NLRP13: variants seen among roughly 807,000 people sequenced by gnomAD.
The protein encoded by NLRP13 is NLR family pyrin domain containing 13, also known as NACHT, LRR and PYD domains-containing protein 13.
NLRP13 carries 82 observed loss-of-function variants against 94.4 expected under a neutral mutation model. The observed-to-expected ratio is 0.87, with a 90% CI of 0.73 to 1.04. The LOEUF (loss-of-function observed/expected upper bound fraction) is 1.04, where lower values mean the gene tolerates loss of function less well. Ranked by LOEUF, NLRP13 falls within the 50% of genes least tolerant of loss-of-function variation. The pLI is 0.00. For missense variants in NLRP13, 1,426 were observed against 1,230.8 expected, an observed-to-expected ratio of 1.16 and a Z score of -2.37; for synonymous variants, 553 against 464.7, an observed-to-expected ratio of 1.19 and a Z score of -2.45.
chr19:55,928,040 G>A (rs1030240524), intron 1 of NLRP13, among the ~76,000 whole-genome samples: 2 of 152,186 alleles, frequency 1.3e-5, no homozygotes, highest in African/African-American at 4.8e-5. Flanking sequence ...AGGGCACTAA[G>A]AACCACCTGA....
chr19:55,911,713 T>C lies in NLRP13; in HGVS notation c.2104A>G (p.Ile702Val). The C allele has an allele frequency of 6.3e-7, 1 of 1,595,082 alleles. No homozygotes were observed. Among genetic ancestry groups the C allele is most frequent in the Non-Finnish European group, 8.5e-7 (1 of 1,171,154 alleles). Residue 702 changes from isoleucine (I) to valine (V), a missense_variant, in exon 5 of 11, where the codon ATT (isoleucine) becomes GTT (valine). Transcript: ENST00000342929. ...ATGGTTTGTAATACTCACTCCAGAA[T>C]TTCCAAGTCCCTTTCAAGGATGTGA... Reference protein sequence around the residue: ...SSHILERDLEILETSKFDSRM... With the variant: ...SSHILERDLEVLETSKFDSRM...
At chr19:55,908,050 A>C in intron 6 of NLRP13, 94 bp from the exon 7 acceptor site, 5 of 1,116,508 alleles carry the variant, frequency 4.5e-6, no homozygotes, top group Non-Finnish European at 6.5e-6. Flanking sequence ...TACTACACTC[A>C]CTGCCAAGGT....
At chr19:55,930,884 A>ATATATATATATATATATGTG (rs1568448826) in intron 1 of NLRP13, among the ~76,000 whole-genome samples, 1 of 117,246 alleles carries the variant, frequency 8.5e-6, no homozygotes, top group African/African-American at 3.6e-5. Flanking sequence ...TTATATATAT[A>ATATATATATATATATATGTG]TATATATATA....
At chr19:55,931,892 G>T (rs1987155572) in intron 1 of NLRP13, 101 bp downstream of exon 1, 1 of 912,112 alleles carries the variant, frequency 1.1e-6, no homozygotes, top group Non-Finnish European at 1.7e-6. Flanking sequence ...TTTGTAGGGG[G>T]AGATCGGCAG....
intron 1 of NLRP13, among the ~76,000 whole-genome samples, chr19:55,930,900 A>ATTT (rs56336813): frequency 3.6e-4 from 38 of 105,152 alleles, no homozygotes; most frequent in Middle Eastern, 4.9e-3. Context: ...ATATATATAA[A>ATTT]ATTTTAACCA....
chr19:55,897,134 TG>T (rs1395756333), intron 10 of NLRP13, among the ~76,000 whole-genome samples: 1 of 152,196 alleles, frequency 6.6e-6, no homozygotes, highest in East Asian at 1.9e-4. Context: ...AACATAGGGT[TG>T]GCTAGCTACT....
chr19:55,930,095 C>T (rs1451591241), intron 1 of NLRP13, among the ~76,000 whole-genome samples: 1 of 152,090 alleles, frequency 6.6e-6, no homozygotes, highest in Non-Finnish European at 1.5e-5. Context: ...TGTATGACTC[C>T]GCATGCCCCG....
chr19:55,910,598 T>A lies in NLRP13; in HGVS notation c.2247A>T (p.Ala749=). ...GGACTTTGCATCTTGGATTTTTCAG[T>A]GCAAGACAGAGACCCTTCACAGAGG... is the stretch of plus-strand genomic sequence containing the variant. ...HASSVKGLCL[A]LKNPRCKVQK... The change falls in exon 6 of 11, where the codon GCA becomes GCT. Residue 749 remains alanine, a synonymous_variant. Transcript: ENST00000342929. 6 of 1,612,018 alleles carry A rather than the reference T, an allele frequency of 3.7e-6. No homozygotes were observed. The highest frequency in any genetic ancestry group is 5.1e-6 in the Non-Finnish European group (6 of 1,178,476).
chr19:55,922,588 A>G (rs1355428816), intron 4 of NLRP13, among the ~76,000 whole-genome samples: 1 of 152,174 alleles, frequency 6.6e-6, no homozygotes, highest in African/African-American at 2.4e-5. Flanking sequence ...AACCTCCCCA[A>G]GTGCTGGGAT....
chr19:55,926,091 T>C (rs904944472), intron 1 of NLRP13, among the ~76,000 whole-genome samples: 3 of 152,182 alleles, frequency 2.0e-5, no homozygotes, highest in Non-Finnish European at 1.5e-5. Context: ...TTTTCCCCTC[T>C]TCACTGGCTC....
intron 4 of NLRP13, among the ~76,000 whole-genome samples, chr19:55,917,222 T>C (rs915244470): frequency 6.6e-6 from 1 of 152,062 alleles, no homozygotes; most frequent in Non-Finnish European, 1.5e-5. Flanking sequence ...GAAGGAGTTC[T>C]AAACATGGAA....
chr19:55,905,261 G>T (rs1332714578), intron 7 of NLRP13, 149 bp from the exon 8 acceptor site: 5 of 919,516 alleles, frequency 5.4e-6, no homozygotes, highest in Non-Finnish European at 7.9e-6. Context: ...GAGAAAAAGG[G>T]CCAGGCGCAG....
intron 1 of NLRP13, among the ~76,000 whole-genome samples, chr19:55,929,396 T>C (rs11670448): frequency 0.19 from 28,534 of 152,086 alleles, 2,938 homozygotes; most frequent in African/African-American, 0.27. Flanking sequence ...CAATGATAGA[T>C]TGGATGAAGA....
At chr19:55,893,066 A>G (rs548423573), downstream of NLRP13, among the ~76,000 whole-genome samples, 5 of 152,326 alleles carry the variant, frequency 3.3e-5, no homozygotes, top group East Asian at 1.9e-4. Context: ...ATAAAGGTTT[A>G]GACAAAAGTA....
intron 3 of NLRP13, 100 bp from the exon 4 acceptor site, chr19:55,924,079 C>G (rs1237974080): frequency 1.1e-6 from 1 of 887,694 alleles, no homozygotes; most frequent in African/African-American, 1.7e-5. Context: ...CTATGGCAAA[C>G]TTGAGAGTGA....
intron 1 of NLRP13, among the ~76,000 whole-genome samples, chr19:55,929,375 G>A (rs779005289): frequency 4.6e-5 from 7 of 152,084 alleles, no homozygotes; most frequent in African/African-American, 7.2e-5. Flanking sequence ...GGAACCAACC[G>A]AAATGCCCAT....
intron 7 of NLRP13, 59 bp downstream of exon 7, chr19:55,907,733 T>C (rs1262290366): frequency 4.0e-5 from 62 of 1,537,946 alleles, no homozygotes; most frequent in Non-Finnish European, 4.1e-5. Context: ...CAGTGGATCG[T>C]GGAAGCTACT....
rs1217244637 is a variant in NLRP13, at chr19:55,912,540, A to G, written c.1277T>C (p.Met426Thr). Residue 426 changes from methionine to threonine, a missense_variant, in exon 5 of 11, where the codon ATG becomes ACG. Physicochemically the swap from Met to Thr is moderately conservative, Grantham distance 81. Coordinates refer to ENST00000342929, the MANE Select transcript of NLRP13 (RefSeq NM_176810.2). ...ETLFHSCSAP[M>T]VCWTVCSCLK... ...ACAGGAACATACGGTCCAACACACC[A>G]TGGGGGCACTGCAGGAATGAAAGAG... 1.2e-6 allele frequency: 2 copies of G among 1,614,028 alleles called. No individual in the cohort carries two copies. Among genetic ancestry groups the G allele is most frequent in the Non-Finnish European group, 1.7e-6 (2 of 1,180,026 alleles).
chr19:55,917,842 A>T (rs1335702992), intron 4 of NLRP13, among the ~76,000 whole-genome samples: 1 of 152,264 alleles, frequency 6.6e-6, no homozygotes, highest in East Asian at 1.9e-4. Flanking sequence ...CACTGACAGC[A>T]CTAGACAGAT....
Sources: allele counts gnomAD v4.1 joint callset (sites outside exome capture counted in the v4.1 genomes callset), GRCh38; gene constraint gnomAD v4.1.1; transcripts MANE v1.5; gene names NCBI Gene and HGNC (gene_info 2026-07-23, HGNC 2026-07-21).